DENND1A: variants seen among roughly 807,000 people sequenced by gnomAD.
The protein encoded by DENND1A is DENN domain-containing protein 1A.
In DENND1A, 51 loss-of-function variants were observed where a neutral mutation model predicts 113.7. The observed-to-expected ratio is 0.45, with a 90% CI of 0.36 to 0.57. DENND1A has a LOEUF of 0.57. DENND1A is among the 20% of genes least tolerant of loss of function. The pLI is 0.00. For missense variants in DENND1A, 1,258 were observed against 1,395.9 expected (o/e 0.90, Z 1.57); for synonymous variants, 565 against 570.8 (o/e 0.99, Z 0.14).
At chr9:123,842,913 C>T (rs746828746) in intron 2 of DENND1A, 6 of 277,858 alleles carry the variant, frequency 2.2e-5, no homozygotes, top group Non-Finnish European at 3.5e-5. Flanking sequence ...GAGATTTATC[C>T]TAAGAATGCA....
At chr9:123,517,631 GCAAAA>G (rs574218268) in intron 13 of DENND1A, among the ~76,000 whole-genome samples, 4 of 151,772 alleles carry the variant, frequency 2.6e-5, no homozygotes, top group African/African-American at 4.8e-5. Flanking sequence ...AAAAACAACA[GCAAAA>G]CAAAACAAAA....
intron 1 of DENND1A, among the ~76,000 whole-genome samples, chr9:123,906,585 C>T (rs1237585453): frequency 6.8e-5 from 4 of 58,686 alleles, no homozygotes; most frequent in African/African-American, 4.1e-4. Flanking sequence ...AACACCTCTA[C>T]GCAAATAAAC....
At chr9:123,800,853 A>G (rs1216049233) in intron 2 of DENND1A, among the ~76,000 whole-genome samples, 1 of 152,232 alleles carries the variant, frequency 6.6e-6, no homozygotes, top group South Asian at 2.1e-4. Context: ...ATGAAAAAAA[A>G]TTGCTAAACA....
At chr9:123,852,093 T>C (rs1843462236) in intron 2 of DENND1A, among the ~76,000 whole-genome samples, 2 of 152,204 alleles carry the variant, frequency 1.3e-5, no homozygotes, top group Admixed American at 1.3e-4. Flanking sequence ...ACAATCAGTG[T>C]CTTCGGCAGT....
At chr9:123,550,223 TA>T (rs2056956193) in intron 13 of DENND1A, among the ~76,000 whole-genome samples, 1 of 152,268 alleles carries the variant, frequency 6.6e-6, no homozygotes, top group Admixed American at 6.5e-5. Flanking sequence ...TGGGATGAAC[TA>T]AGCAAGTGGG....
At chr9:123,398,057 C>A (rs1367652672) in intron 21 of DENND1A, among the ~76,000 whole-genome samples, 4 of 152,266 alleles carry the variant, frequency 2.6e-5, no homozygotes, top group African/African-American at 9.6e-5. Flanking sequence ...CTCAGATCCA[C>A]AACCAGCTGC....
In DENND1A at chr9:123,381,565, G is replaced by A; in HGVS notation, c.3080C>T (p.Ala1027Val). 1.2e-6 allele frequency: 2 copies of A among 1,613,704 alleles called. No individual in the cohort carries two copies. The highest frequency in any genetic ancestry group is 1.7e-6 in the Non-Finnish European group (2 of 1,179,992). ...AAAGGGGTCTCTGGCCTGTTGAGGAGCAGAGGGCTGCAGTGTTGGCTCCAG... is the reference window on the plus strand; with the variant it reads ...AAAGGGGTCTCTGGCCTGTTGAGGAACAGAGGGCTGCAGTGTTGGCTCCAG... ...QGLEPTLQPSAPQQARDPFED... is the reference protein window; with the variant it reads ...QGLEPTLQPSVPQQARDPFED... Residue 1027 changes from alanine to valine, a missense_variant, in exon 24 of 24, where the codon GCT becomes GTT. By Grantham distance (64) the Ala-to-Val change is moderately conservative. Around this residue, in one of 2 missense-constraint regions of DENND1A, gnomAD observed 1,159 missense variants for 1,231.7 expected, o/e 0.94. Coordinates refer to ENST00000394215, the MANE Select transcript of DENND1A (RefSeq NM_001352964.2). The surrounding 1 kb of genome is among the most constrained non-coding windows in gnomAD (Gnocchi z 4.7).
chr9:123,428,575 T>G (rs2045910953), intron 19 of DENND1A, among the ~76,000 whole-genome samples: 1 of 152,042 alleles, frequency 6.6e-6, no homozygotes. Flanking sequence ...GAGAAAGAAA[T>G]AAAGGGCATT....
At chr9:123,893,711 G>C (rs7037349) in intron 1 of DENND1A, among the ~76,000 whole-genome samples, 10,960 of 152,220 alleles carry the variant, frequency 0.072, 619 homozygotes, top group African/African-American at 0.16. Context: ...GAATCTTCTA[G>C]AAATTGAATT....
chr9:123,573,977 A>AT (rs928241634), intron 12 of DENND1A, among the ~76,000 whole-genome samples: 13 of 147,344 alleles, frequency 8.8e-5, no homozygotes, highest in African/African-American at 2.0e-4. Flanking sequence ...TTTTTCCTAA[A>AT]TTTTTTTTTT....
At chr9:123,617,444 C>T (rs1172217285) in intron 10 of DENND1A, among the ~76,000 whole-genome samples, 1 of 152,154 alleles carries the variant, frequency 6.6e-6, no homozygotes, top group Admixed American at 6.5e-5. Context: ...AGGACAATGC[C>T]CTTCTGAGTG....
intron 19 of DENND1A, chr9:123,437,610 C>T (rs886417816): frequency 2.0e-5 from 3 of 152,200 alleles, no homozygotes; most frequent in Non-Finnish European, 4.4e-5. Flanking sequence ...GGGCAGGGTA[C>T]AGTAGCTTTA....
In DENND1A at chr9:123,764,745, G is replaced by C. The variant is rs767485046; in HGVS notation, c.182+4769C>G. Among the ~76,000 whole-genome samples, 3 of 152,212 alleles carry C rather than the reference G, an allele frequency of 2.0e-5. No homozygotes were observed. Among genetic ancestry groups the C allele is most frequent in the Non-Finnish European group, 4.4e-5 (3 of 68,036 alleles). ...AAAAGCAGAAGGAACAGCAGAGATT[G>C]ATGGAATCCAATTCCCTCATTTTAT... is the stretch of plus-strand genomic sequence containing the variant. On this transcript the variant is annotated intron_variant, in intron 4 of 23. Transcript: ENST00000394215. This position sits in a 1 kb window ranked among gnomAD's most constrained non-coding sequence, Gnocchi z 4.1.
chr9:123,444,748 A>AT (rs1195476262), intron 18 of DENND1A, among the ~76,000 whole-genome samples: 1 of 152,208 alleles, frequency 6.6e-6, no homozygotes, highest in African/African-American at 2.4e-5. Flanking sequence ...AAATGAGATT[A>AT]TTTTTTGTTC....
Position 123,381,945 on chromosome 9 carries a change from T to C in DENND1A, c.2700A>G (p.Pro900=). 1 of 1,442,694 alleles carries C rather than the reference T, an allele frequency of 6.9e-7. No individual in the cohort carries two copies. 89.4% of individuals were successfully genotyped at this position (1,442,694 alleles called of 1,614,324 possible). A position where few individuals can be genotyped will look rare whatever the true frequency, so the allele number is the denominator to read the frequency against. Reference sequence around the variant, plus strand: ...CCAGGGGCAGGGTGGGTGGGGCTGCTGGCATGGATGGGACAAAGGGGTTGA... The same window carrying C: ...CCAGGGGCAGGGTGGGTGGGGCTGCCGGCATGGATGGGACAAAGGGGTTGA... ...PPLNPFVPSM[P]AAPPTLPLVS... Residue 900 remains proline, a synonymous_variant, in exon 24 of 24, where the codon CCA becomes CCG. Coordinates refer to ENST00000394215, the MANE Select transcript of DENND1A (RefSeq NM_001352964.2). The surrounding 1 kb of genome is among the most constrained non-coding windows in gnomAD (Gnocchi z 4.7).
In DENND1A at chr9:123,588,052, C is replaced by T. The variant is rs557630696; in HGVS notation, c.766-4782G>A. ...CAGCACTTTGGGAGGCCGAAGTGAG[C>T]AGATCACCAGAGGTCAGGAGTTCGA... is the stretch of plus-strand genomic sequence containing the variant. On this transcript the variant is annotated intron_variant, in intron 11 of 23. Coordinates refer to ENST00000394215, the MANE Select transcript of DENND1A (RefSeq NM_001352964.2). 7.2e-5 allele frequency among the ~76,000 whole-genome samples: 11 copies of T among 151,770 alleles called. No homozygotes were observed. In the East Asian group the frequency reaches 1.8e-3, roughly 24 times the overall value.
intron 2 of DENND1A, among the ~76,000 whole-genome samples, chr9:123,829,366 A>C (rs1839852701): frequency 6.6e-6 from 1 of 152,140 alleles, no homozygotes; most frequent in Non-Finnish European, 1.5e-5. Flanking sequence ...AAATGTAAAA[A>C]TGAGGTGATG....
At chr9:123,818,767 A>C (rs1414090973) in intron 2 of DENND1A, among the ~76,000 whole-genome samples, 1 of 152,198 alleles carries the variant, frequency 6.6e-6, no homozygotes, top group African/African-American at 2.4e-5. Context: ...CAGCACCACA[A>C]GGCTTCAGAT....
intron 8 of DENND1A, among the ~76,000 whole-genome samples, chr9:123,660,633 T>C (rs919877192): frequency 6.6e-5 from 10 of 152,248 alleles, no homozygotes; most frequent in African/African-American, 2.4e-4. Flanking sequence ...ATAGAAAATG[T>C]AAATGTCTAT....
Sources: gnomAD v4.1 joint callset for allele counts (sites outside exome capture counted in the v4.1 genomes callset) on GRCh38, gnomAD v4.1.1 for gene constraint, gnomAD v4.1.1 regional missense constraint, Gnocchi (gnomAD v3.1) non-coding constraint, MANE v1.5 for transcripts, NCBI Gene and HGNC (gene_info 2026-07-23, HGNC 2026-07-21) for gene names.